PRCD: variants seen among roughly 807,000 people sequenced by gnomAD.
PRCD encodes photoreceptor disc component, also known as photoreceptor disk component PRCD.
PRCD carries 12 observed loss-of-function variants against 10.1 expected under a neutral mutation model. The observed-to-expected ratio is 1.18, with a 90% confidence interval of 0.76 to 1.92. The LOEUF is 1.92. Among genes scored for constraint, PRCD ranks in the 40% most tolerant of loss-of-function variants. PRCD has a pLI of 0.00. For synonymous variants in PRCD, 31 were observed against 26.2 expected, an observed-to-expected ratio of 1.18 and a Z score of -0.56; for missense variants, 61 against 72.2, an observed-to-expected ratio of 0.84 and a Z score of 0.56.
Position 76,540,642 on chromosome 17 carries a change from G to A in PRCD, c.143+69G>A. On this transcript the variant is annotated intron_variant, in intron 2 of 4. Transcript: ENST00000592014. The surrounding 1 kb of genome is among the most constrained non-coding windows in gnomAD (Gnocchi z 5.0). Reference sequence around the variant, plus strand: ...GAAGCTGTGGCTGTGCATGCCTGGGGGTGCACGTGTGTGCCTGTGCGCGCC... The same window carrying A: ...GAAGCTGTGGCTGTGCATGCCTGGGAGTGCACGTGTGTGCCTGTGCGCGCC... 1 of 1,476,160 alleles carries A rather than the reference G, an allele frequency of 6.8e-7. No homozygotes were observed. The highest frequency in any genetic ancestry group is 9.4e-7 in the Non-Finnish European group (1 of 1,059,354). 91.4% of individuals were successfully genotyped at this position (1,476,160 alleles called of 1,614,324 possible).
downstream of PRCD, among the ~76,000 whole-genome samples, chr17:76,548,321 C>T (rs1271657126): frequency 6.6e-6 from 1 of 152,236 alleles, no homozygotes; most frequent in Non-Finnish European, 1.5e-5. Context: ...CACACAGTAT[C>T]ATATGCAGAG....
Position 76,540,473 on chromosome 17 carries a change from T to C in PRCD, c.75-32T>C. 1 of 1,610,434 alleles carries C rather than the reference T, an allele frequency of 6.2e-7. No individual in the cohort carries two copies. The highest frequency in any genetic ancestry group is 8.5e-7 in the Non-Finnish European group (1 of 1,177,268). ...GACAGTGAGGGGCTGGGCACAGCCATAGCTCTTCCTCCCTACTCTTGCCTC... is the reference window on the plus strand; with the variant it reads ...GACAGTGAGGGGCTGGGCACAGCCACAGCTCTTCCTCCCTACTCTTGCCTC... On this transcript the variant is annotated intron_variant, in intron 1 of 4. Coordinates refer to ENST00000592014, the MANE Select transcript of PRCD (RefSeq NM_001077620.3). The surrounding 1 kb of genome is among the most constrained non-coding windows in gnomAD (Gnocchi z 5.0).
chr17:76,540,304 C>A lies in PRCD; in HGVS notation c.74+89C>A. The A allele has an allele frequency of 1.4e-6, 2 of 1,407,608 alleles. No homozygotes were observed. Among genetic ancestry groups the A allele is most frequent in the Non-Finnish European group, 2.0e-6 (2 of 1,024,576 alleles). 87.2% of individuals were successfully genotyped at this position (1,407,608 alleles called of 1,614,324 possible). ...CCACCAAGCTGAAGGTGGGCAGGGGCTGCGTGAACCTTCAGCGGGGCTGGG... is the reference window on the plus strand; with the variant it reads ...CCACCAAGCTGAAGGTGGGCAGGGGATGCGTGAACCTTCAGCGGGGCTGGG... On this transcript the variant is annotated intron_variant, in intron 1 of 4. Transcript: ENST00000592014. This position sits in a 1 kb window ranked among gnomAD's most constrained non-coding sequence, Gnocchi z 5.0.
chr17:76,534,314 G>T (rs1472106095), intron 1 of PRCD, among the ~76,000 whole-genome samples: 1 of 152,048 alleles, frequency 6.6e-6, no homozygotes, highest in African/African-American at 2.4e-5. Flanking sequence ...AGTTAGCTGG[G>T]ATTACAGGTG....
chr17:76,541,939 C>T (rs1399778989), intron 2 of PRCD, among the ~76,000 whole-genome samples: 1 of 152,178 alleles, frequency 6.6e-6, no homozygotes, highest in African/African-American at 2.4e-5. Flanking sequence ...TAAATGCTAG[C>T]AGCTGTCTTG....
At position 76,544,164 on chromosome 17, in the gene PRCD, G is replaced by C. The variant is rs1199283617; in HGVS notation, c.*514G>C. 2.2e-6 allele frequency: 1 copy of C among 454,514 alleles called. No homozygotes were observed. The highest frequency in any genetic ancestry group is 4.4e-6 in the Non-Finnish European group (1 of 226,828). 28.2% of individuals were successfully genotyped at this position (454,514 alleles called of 1,614,324 possible). A position where few individuals can be genotyped will look rare whatever the true frequency, so the allele number is the denominator to read the frequency against. On this transcript the variant is annotated 3_prime_UTR_variant, in exon 5 of 5. Transcript: ENST00000592014. The stretch of plus-strand genomic sequence containing the variant: ...GCAGACCCTGCAGGCAGCTGCTCCT[G>C]ATGTCTCACAGCTATTAGTCTTCAA...
intron 4 of PRCD, chr17:76,543,396 G>C: frequency 3.0e-6 from 1 of 336,422 alleles, no homozygotes. Flanking sequence ...GGAGTGAGGA[G>C]ACCCCAGAAG....
At chr17:76,536,368 G>A (rs1394463371), upstream of PRCD, among the ~76,000 whole-genome samples, 2 of 152,184 alleles carry the variant, frequency 1.3e-5, no homozygotes, top group African/African-American at 4.8e-5. Context: ...CCCTTCCAGA[G>A]CGAGGCTTCA....
At chr17:76,543,453 C>A (rs1034406035) in intron 4 of PRCD, 1 of 339,954 alleles carries the variant, frequency 2.9e-6, no homozygotes, top group South Asian at 2.3e-5. Context: ...GGCTTCCATT[C>A]ATTCTGTAAT....
At chr17:76,549,580 TC>T, downstream of PRCD, among the ~76,000 whole-genome samples, 1 of 152,230 alleles carries the variant, frequency 6.6e-6, no homozygotes, top group South Asian at 2.1e-4. Flanking sequence ...TATAAAGTTA[TC>T]CCAGAGGAAT....
rs917387657 is a variant in PRCD, at chr17:76,530,221, C to T, written n.45+2388C>T. Among the ~76,000 whole-genome samples the T allele has an allele frequency of 6.6e-6, 1 of 152,166 alleles. No homozygotes were observed. The highest frequency in any genetic ancestry group is 2.4e-5 in the African/African-American group (1 of 41,434). ...CTCCTTCCTACTCCAGCCCTGCCTC[C>T]GCCTCTCCATTCAGCTCCCAGAGTC... On this transcript the variant is annotated intron_variant and non_coding_transcript_variant, in intron 1 of 4. Coordinates refer to the PRCD transcript ENST00000397633. This position sits in a 1 kb window ranked among gnomAD's most constrained non-coding sequence, Gnocchi z 6.1.
rs1038913425 is a variant in PRCD, at chr17:76,533,141, A to C, written n.45+5308A>C. Among the ~76,000 whole-genome samples, 1 of 152,146 alleles carries C rather than the reference A, an allele frequency of 6.6e-6. No homozygotes were observed. Among genetic ancestry groups the C allele is most frequent in the Non-Finnish European group, 1.5e-5 (1 of 68,020 alleles). ...CTGGTGGAACTGCTATTGGCGGGGA[A>C]GTTTGCACAGTGACCAGGGCACAGT... On this transcript the variant is annotated intron_variant and non_coding_transcript_variant, in intron 1 of 4. Coordinates refer to the PRCD transcript ENST00000397633. The surrounding 1 kb of genome is among the most constrained non-coding windows in gnomAD (Gnocchi z 4.5).
At chr17:76,538,457 C>CGCG (rs748142936), upstream of PRCD, 8 of 465,726 alleles carry the variant, frequency 1.7e-5, no homozygotes, top group South Asian at 3.1e-5. Flanking sequence ...GGTGCACGAA[C>CGCG]GCGGCGGCGG....
chr17:76,531,986 C>T lies in PRCD; in HGVS notation n.45+4153C>T, dbSNP rs2074850328. The T allele has an allele frequency of 3.2e-6, 1 of 316,084 alleles. No homozygotes were observed. The allele number at this position is 316,084 out of a possible 1,614,324, so 19.6% of individuals were successfully genotyped here. A position where few individuals can be genotyped will look rare whatever the true frequency, so the allele number is the denominator to read the frequency against. On this transcript the variant is annotated intron_variant and non_coding_transcript_variant, in intron 1 of 4. Transcript: ENST00000397633. This position sits in a 1 kb window ranked among gnomAD's most constrained non-coding sequence, Gnocchi z 7.4. The stretch of plus-strand genomic sequence containing the variant: ...GCTTCCTTCCCAAACTCTACACCCC[C>T]TTCAAGCCCTGCTCTAGTCATAGCC...
chr17:76,543,947 G>A lies in PRCD; in HGVS notation c.*297G>A, dbSNP rs1314562492. ...ATGTGTTTTCTGTATGTGTGCAAGC[G>A]CGTGTGTTCCAAACGGGCAGTAGCG... On this transcript the variant is annotated 3_prime_UTR_variant, in exon 5 of 5. Coordinates refer to ENST00000592014, the MANE Select transcript of PRCD (RefSeq NM_001077620.3). 1.1e-5 allele frequency: 5 copies of A among 468,838 alleles called. No individual in the cohort carries two copies. Among genetic ancestry groups the A allele is most frequent in the East Asian group, 6.9e-5 (1 of 14,414 alleles). 29.0% of individuals were successfully genotyped at this position (468,838 alleles called of 1,614,324 possible).
In PRCD at chr17:76,545,063, G is replaced by A; in HGVS notation, c.*1413G>A. ...TGGGGTGCCATGTGGGCCGGGTGGG[G>A]GGGCTGTCTCCCCCAGGGAGCAGGC... On this transcript the variant is annotated 3_prime_UTR_variant, in exon 5 of 5. Coordinates refer to ENST00000592014, the MANE Select transcript of PRCD (RefSeq NM_001077620.3). The A allele has an allele frequency of 2.2e-6, 1 of 451,746 alleles. No homozygotes were observed. 28.0% of individuals were successfully genotyped at this position (451,746 alleles called of 1,614,324 possible). A position where few individuals can be genotyped will look rare whatever the true frequency, so the allele number is the denominator to read the frequency against.
In PRCD at chr17:76,531,136, A is replaced by G. The variant is rs1165209438; in HGVS notation, n.45+3303A>G. ...GCGACCACCTCCAGAATGACCCCAG[A>G]GAGGATCTGGGGGCAAAGGGAGGAA... On this transcript the variant is annotated intron_variant and non_coding_transcript_variant, in intron 1 of 4. Coordinates refer to the PRCD transcript ENST00000397633. This position sits in a 1 kb window ranked among gnomAD's most constrained non-coding sequence, Gnocchi z 7.4. The G allele has an allele frequency of 6.2e-7, 1 of 1,613,022 alleles. No homozygotes were observed. The highest frequency in any genetic ancestry group is 8.5e-7 in the Non-Finnish European group (1 of 1,179,510).
chr17:76,527,964 C>T, intron 1 of PRCD: 2 of 373,654 alleles, frequency 5.4e-6, no homozygotes, highest in Non-Finnish European at 1.1e-5. Context: ...CCAGCCCTGC[C>T]CCTCCAGGCC....
Position 76,531,555 on chromosome 17 carries a change from C to G in PRCD, n.45+3722C>G. ...ACCTTGTCGGGGTCATGCAGGTTCT[C>G]CACGACAGTGTTGAGGGCCCCCATG... is the stretch of plus-strand genomic sequence containing the variant. On this transcript the variant is annotated intron_variant and non_coding_transcript_variant, in intron 1 of 4. Coordinates refer to the PRCD transcript ENST00000397633. The surrounding 1 kb of genome is among the most constrained non-coding windows in gnomAD (Gnocchi z 7.4). The G allele has an allele frequency of 6.2e-7, 1 of 1,614,154 alleles. No homozygotes were observed. Among genetic ancestry groups the G allele is most frequent in the East Asian group, 2.2e-5 (1 of 44,892 alleles).
Sources: gnomAD v4.1 joint callset for allele counts (sites outside exome capture counted in the v4.1 genomes callset) on GRCh38, gnomAD v4.1.1 for gene constraint, Gnocchi (gnomAD v3.1) non-coding constraint, MANE v1.5 for transcripts, NCBI Gene and HGNC (gene_info 2026-07-23, HGNC 2026-07-21) for gene names.